PCDHGB2: variants seen among roughly 807,000 people sequenced by gnomAD.
PCDHGB2 encodes the protein protocadherin gamma subfamily B, 2.
In PCDHGB2, 55 loss-of-function variants were observed where a neutral mutation model predicts 59.3. The observed-to-expected ratio is 0.93, with a 90% CI of 0.75 to 1.16. The LOEUF is 1.16. Ranked by LOEUF, PCDHGB2 falls within the 50% of genes most tolerant of loss-of-function variation. The pLI is 0.00. For synonymous variants in PCDHGB2, 516 were observed against 512.0 expected (o/e 1.01, Z -0.11); for missense variants, 1,228 against 1,198.5 (o/e 1.02, Z -0.36).
intron 1 of PCDHGB2, chr5:141,384,126 C>G: frequency 1.2e-6 from 2 of 1,610,938 alleles, no homozygotes; most frequent in Non-Finnish European, 1.7e-6. Context: ...CAACCAAAAA[C>G]TTGGACCGGG....
At position 141,486,464 on chromosome 5, in the gene PCDHGB2, G is replaced by A; in HGVS notation, c.2422-8343G>A. The A allele has an allele frequency of 1.2e-6, 2 of 1,614,034 alleles. No homozygotes were observed. Among genetic ancestry groups the A allele is most frequent in the Non-Finnish European group, 1.7e-6 (2 of 1,179,946 alleles). On this transcript the variant is annotated intron_variant, in intron 1 of 3. Transcript: ENST00000522605. This position sits in a 1 kb window ranked among gnomAD's most constrained non-coding sequence, Gnocchi z 5.0. ...CATCATGGTCACTGCTTCTGATGCTGGGAACCCTCCTCTCAGTACCCACAG... is the reference window on the plus strand; with the variant it reads ...CATCATGGTCACTGCTTCTGATGCTAGGAACCCTCCTCTCAGTACCCACAG...
At chr5:141,365,022 C>A in intron 1 of PCDHGB2, 1 of 1,613,864 alleles carries the variant, frequency 6.2e-7, no homozygotes, top group South Asian at 1.1e-5. Flanking sequence ...ATCCGTGTTA[C>A]GGTCCTCGAC....
intron 1 of PCDHGB2, chr5:141,415,740 GTTTTTT>G (rs57426385): frequency 0.053 from 32,266 of 613,620 alleles, 66 homozygotes; most frequent in South Asian, 0.061. Flanking sequence ...GTTTATTAAG[GTTTTTT>G]TTTTTTTTTT....
intron 1 of PCDHGB2, chr5:141,419,582 T>A (rs1474193256): frequency 6.2e-7 from 1 of 1,611,894 alleles, no homozygotes. Context: ...CTCCGCGCTC[T>A]TCGACACAGT....
At chr5:141,414,409 A>AG in intron 1 of PCDHGB2, 1 of 1,613,870 alleles carries the variant, frequency 6.2e-7, no homozygotes. Flanking sequence ...GGTGATACAC[A>AG]GAGCCCTTGA....
At chr5:141,385,328 G>A (rs767891948) in intron 1 of PCDHGB2, 13 of 1,588,314 alleles carry the variant, frequency 8.2e-6, no homozygotes, top group Middle Eastern at 1.7e-4. Flanking sequence ...ATTCAGGTGA[G>A]CCCAGCCCTT....
Position 141,487,503 on chromosome 5 carries a change from C to T in PCDHGB2, c.2422-7304C>T. On this transcript the variant is annotated intron_variant, in intron 1 of 3. Transcript: ENST00000522605. The surrounding 1 kb of genome is among the most constrained non-coding windows in gnomAD (Gnocchi z 5.0). The stretch of plus-strand genomic sequence containing the variant: ...TCTCATGGCTGTACACCCTTGGCTT[C>T]TGCACCCACTCGGAGTGATAGCTTC... 1 of 1,614,220 alleles carries T rather than the reference C, an allele frequency of 6.2e-7. No homozygotes were observed. Among genetic ancestry groups the T allele is most frequent in the Non-Finnish European group, 8.5e-7 (1 of 1,180,042 alleles).
At chr5:141,414,856 G>C (rs1269714202) in intron 1 of PCDHGB2, 2 of 1,614,216 alleles carry the variant, frequency 1.2e-6, no homozygotes, top group Non-Finnish European at 8.5e-7. Flanking sequence ...GGACCAGAAC[G>C]ACAATGCGCC....
At chr5:141,424,682 C>A (rs1421088073) in intron 1 of PCDHGB2, 1 of 152,062 alleles carries the variant, frequency 6.6e-6, no homozygotes, top group Non-Finnish European at 1.5e-5. Flanking sequence ...AGCTAGTATC[C>A]TTCTGGCTAT....
intron 1 of PCDHGB2, chr5:141,367,398 G>C (rs1419985129): frequency 2.0e-5 from 3 of 152,206 alleles, no homozygotes; most frequent in African/African-American, 7.2e-5. Context: ...TTAGCCGGGC[G>C]TGGTGGCAGG....
Position 141,477,143 on chromosome 5 carries a change from G to A in PCDHGB2, c.2422-17664G>A. Reference sequence around the variant, plus strand: ...ACATTGCAAAGTGTTGGTGGAGGTTGTGGATGTGAATGACAACGCCCCGGA... The same window carrying A: ...ACATTGCAAAGTGTTGGTGGAGGTTATGGATGTGAATGACAACGCCCCGGA... On this transcript the variant is annotated intron_variant, in intron 1 of 3. Transcript: ENST00000522605. This position sits in a 1 kb window ranked among gnomAD's most constrained non-coding sequence, Gnocchi z 4.9. 6.2e-7 allele frequency: 1 copy of A among 1,614,198 alleles called. No individual in the cohort carries two copies. Among genetic ancestry groups the A allele is most frequent in the Non-Finnish European group, 8.5e-7 (1 of 1,180,036 alleles).
chr5:141,411,192 G>C (rs2095472836), intron 1 of PCDHGB2: 1 of 152,098 alleles, frequency 6.6e-6, no homozygotes, highest in African/African-American at 2.4e-5. Flanking sequence ...TGGCATCTAA[G>C]AAAACAAACA....
intron 1 of PCDHGB2, chr5:141,370,659 C>G: frequency 6.2e-7 from 1 of 1,613,780 alleles, no homozygotes; most frequent in Non-Finnish European, 8.5e-7. Context: ...TGTGAGCGAC[C>G]GTATAGACCG....
chr5:141,475,740 A>G (rs942793010), intron 1 of PCDHGB2, among the ~76,000 whole-genome samples: 4 of 152,280 alleles, frequency 2.6e-5, no homozygotes, highest in Non-Finnish European at 5.9e-5. Flanking sequence ...TCCCTAAGGT[A>G]GGTTTCCTAT....
intron 1 of PCDHGB2, chr5:141,372,232 A>G: frequency 6.2e-7 from 1 of 1,613,396 alleles, no homozygotes; most frequent in Non-Finnish European, 8.5e-7. Context: ...CAGGCCAGCG[A>G]GCCCGGGCTG....
chr5:141,416,585 A>T (rs2096043494), intron 1 of PCDHGB2: 2 of 152,244 alleles, frequency 1.3e-5, no homozygotes, highest in Non-Finnish European at 2.9e-5. Context: ...GAGGCAAAAT[A>T]AACTTAGAGT....
intron 1 of PCDHGB2, among the ~76,000 whole-genome samples, chr5:141,484,760 A>G (rs1472178052): frequency 2.0e-5 from 3 of 151,880 alleles, no homozygotes; most frequent in South Asian, 2.1e-4. Flanking sequence ...GTATATATAT[A>G]TATATGTTGT....
At position 141,436,830 on chromosome 5, in the gene PCDHGB2, T is replaced by C. The variant is rs1054296892; in HGVS notation, c.2422-57977T>C. On this transcript the variant is annotated intron_variant, in intron 1 of 3. Coordinates refer to ENST00000522605, the MANE Select transcript of PCDHGB2 (RefSeq NM_018923.3). ...TGACAGCTGGTTTAAAAATCTTAAGTGCCTAGGCACATTCTTGATTGAGAA... is the reference window on the plus strand; with the variant it reads ...TGACAGCTGGTTTAAAAATCTTAAGCGCCTAGGCACATTCTTGATTGAGAA... Among the ~76,000 whole-genome samples, 37 of 152,252 alleles carry C rather than the reference T, an allele frequency of 2.4e-4. 1 individual carries two copies.
chr5:141,371,793 C>T (rs768654364), intron 1 of PCDHGB2: 12 of 1,613,808 alleles, frequency 7.4e-6, no homozygotes, highest in Non-Finnish European at 9.3e-6. Context: ...GAACAATCCG[C>T]CTGGAGCCTC....
Sources: allele counts gnomAD v4.1 joint callset (sites outside exome capture counted in the v4.1 genomes callset), GRCh38; gene constraint gnomAD v4.1.1; non-coding constraint Gnocchi (gnomAD v3.1); transcripts MANE v1.5; gene names NCBI Gene and HGNC (gene_info 2026-07-23, HGNC 2026-07-21).